Variants in ZFPM2 observed in about 807,000 individuals in gnomAD.
ZFPM2 encodes zinc finger protein ZFPM2.
A neutral mutation model predicts 98.6 loss-of-function variants in ZFPM2; 20 were observed. That is an observed-to-expected ratio of 0.20 (90% confidence interval 0.14 to 0.29). The LOEUF (loss-of-function observed/expected upper bound fraction) is 0.29, where lower values mean the gene tolerates loss of function less well. Ranked by LOEUF, ZFPM2 falls within the 10% of genes least tolerant of loss-of-function variation. The pLI, the probability that ZFPM2 is intolerant of heterozygous loss-of-function variation, is 1.00. For missense variants in ZFPM2, 1,310 were observed against 1,388.6 expected, an observed-to-expected ratio of 0.94 and a Z score of 0.90; for synonymous variants, 518 against 502.7, an observed-to-expected ratio of 1.03 and a Z score of -0.41.
chr8:105,532,502 C>T lies in ZFPM2; in HGVS notation c.302-28861C>T, dbSNP rs141791334. 3.0e-4 allele frequency among the ~76,000 whole-genome samples: 45 copies of T among 152,218 alleles called. No individual in the cohort carries two copies. The East Asian group carries it at 8.3e-3, about 28-fold the overall frequency. On this transcript the variant is annotated intron_variant, in intron 3 of 7. Coordinates refer to ENST00000407775, the MANE Select transcript of ZFPM2 (RefSeq NM_012082.4). ...TGCTCTACAGCCATAAGACATGATT[C>T]TTAATTTTTGTAAAGTAAATCACAG...
intron 1 of ZFPM2, among the ~76,000 whole-genome samples, chr8:105,380,636 ATATATATATTAT>A (rs1810834356): frequency 6.4e-5 from 1 of 15,694 alleles, no homozygotes; most frequent in African/African-American, 2.0e-4. Context: ...CATATATATT[ATATATATATTAT>A]ATATATATAT....
chr8:105,418,987 A>C (rs1811738476), intron 1 of ZFPM2, among the ~76,000 whole-genome samples, 157 bp from the exon 2 acceptor site: 1 of 152,098 alleles, frequency 6.6e-6, no homozygotes, highest in African/African-American at 2.4e-5. Flanking sequence ...TCTTGTATAT[A>C]CGGATGTGGC....
At chr8:105,704,673 A>G (rs1246498167) in intron 5 of ZFPM2, among the ~76,000 whole-genome samples, 3 of 152,160 alleles carry the variant, frequency 2.0e-5, no homozygotes, top group Non-Finnish European at 4.4e-5. Context: ...TGACATATTT[A>G]CCTCATTTAC....
intron 5 of ZFPM2, among the ~76,000 whole-genome samples, chr8:105,773,488 TA>T: frequency 1.3e-5 from 2 of 151,882 alleles, no homozygotes; most frequent in African/African-American, 2.4e-5. Context: ...TCATTTGGAG[TA>T]AAAAAATAGT....
intron 1 of ZFPM2, among the ~76,000 whole-genome samples, chr8:105,329,025 G>C (rs1812165061): frequency 6.6e-6 from 1 of 151,802 alleles, no homozygotes. Flanking sequence ...TGTGCATCTT[G>C]GACAAACAGG....
At chr8:105,440,700 G>C (rs570852699) in intron 2 of ZFPM2, among the ~76,000 whole-genome samples, 1 of 152,236 alleles carries the variant, frequency 6.6e-6, no homozygotes, top group African/African-American at 2.4e-5. Flanking sequence ...GAGCAGGAGG[G>C]CACCATAGAA....
intron 4 of ZFPM2, 88 bp from the exon 5 acceptor site, chr8:105,634,158 G>T: frequency 1.0e-6 from 1 of 983,940 alleles, no homozygotes; most frequent in South Asian, 1.6e-5. Context: ...TTAGTTGTTT[G>T]TAAAAATAAA....
intron 3 of ZFPM2, among the ~76,000 whole-genome samples, chr8:105,472,932 A>G (rs1026221157): frequency 1.1e-4 from 14 of 126,168 alleles, no homozygotes; most frequent in African/African-American, 2.2e-4. Flanking sequence ...GTCTTACTCT[A>G]TCCCTCAGGA....
intron 1 of ZFPM2, among the ~76,000 whole-genome samples, chr8:105,416,797 G>C (rs72671684): frequency 6.6e-5 from 10 of 151,896 alleles, no homozygotes; most frequent in African/African-American, 2.4e-4. Flanking sequence ...CTAATATTTT[G>C]GTTGACTTTC....
chr8:105,569,689 T>C (rs1449874797), intron 4 of ZFPM2, among the ~76,000 whole-genome samples: 1 of 152,178 alleles, frequency 6.6e-6, no homozygotes, highest in Non-Finnish European at 1.5e-5. Flanking sequence ...AATTATGATT[T>C]GTTTACAACA....
intron 1 of ZFPM2, among the ~76,000 whole-genome samples, chr8:105,414,237 A>T (rs988953497): frequency 8.5e-5 from 13 of 152,056 alleles, no homozygotes; most frequent in African/African-American, 3.1e-4. Flanking sequence ...TTAAGAGAGA[A>T]GATCCCTTTT....
intron 1 of ZFPM2, among the ~76,000 whole-genome samples, chr8:105,358,300 C>T (rs1420794556): frequency 6.6e-6 from 1 of 151,082 alleles, no homozygotes; most frequent in East Asian, 2.0e-4. Flanking sequence ...GTCGCCCAGG[C>T]TGGAGTGCAG....
chr8:105,324,125 T>G (rs2130650708), intron 1 of ZFPM2, among the ~76,000 whole-genome samples: 1 of 151,992 alleles, frequency 6.6e-6, no homozygotes, highest in African/African-American at 2.4e-5. Context: ...TGCAATTAAG[T>G]GATTTGCTCC....
intron 4 of ZFPM2, among the ~76,000 whole-genome samples, chr8:105,619,225 TTGTTTGGTCATGGACCATCAAATATGTG>T (rs1185268393): frequency 1.3e-5 from 2 of 152,190 alleles, no homozygotes; most frequent in Admixed American, 6.5e-5. Flanking sequence ...TACTATGTTG[TTGTTTGGTCATGGACCATCAAATATGTG>T]TGTTTGGTCA....
chr8:105,346,920 T>G (rs2129691131), intron 1 of ZFPM2, among the ~76,000 whole-genome samples: 1 of 152,236 alleles, frequency 6.6e-6, no homozygotes, highest in African/African-American at 2.4e-5. Flanking sequence ...TGCTAGTCAG[T>G]TTTGAATCAT....
At chr8:105,570,413 A>G (rs1384360121) in intron 4 of ZFPM2, among the ~76,000 whole-genome samples, 2 of 152,084 alleles carry the variant, frequency 1.3e-5, no homozygotes, top group Non-Finnish European at 2.9e-5. Flanking sequence ...ATTGAATGTG[A>G]GTCAGAAAGG....
chr8:105,658,748 T>C (rs1817336312), intron 5 of ZFPM2, among the ~76,000 whole-genome samples: 1 of 152,188 alleles, frequency 6.6e-6, no homozygotes, highest in Non-Finnish European at 1.5e-5. Flanking sequence ...TGAATATACA[T>C]GGACTTCTTC....
chr8:105,537,325 A>G (rs1814473956), intron 3 of ZFPM2, among the ~76,000 whole-genome samples: 1 of 152,172 alleles, frequency 6.6e-6, no homozygotes, highest in South Asian at 2.1e-4. Flanking sequence ...CCAAATGAGG[A>G]ATGGATTATT....
chr8:105,577,032 T>G (rs1815482830), intron 4 of ZFPM2, among the ~76,000 whole-genome samples: 1 of 152,174 alleles, frequency 6.6e-6, no homozygotes, highest in African/African-American at 2.4e-5. Flanking sequence ...TTCTAACAGT[T>G]TTCCTCTGCT....
Sources: allele counts gnomAD v4.1 joint callset (sites outside exome capture counted in the v4.1 genomes callset), GRCh38; gene constraint gnomAD v4.1.1; transcripts MANE v1.5; gene names NCBI Gene and HGNC (gene_info 2026-07-23, HGNC 2026-07-21).